The following IL12RB2 variants were observed in gnomAD, a reference collection of about 807,000 sequenced individuals.
IL12RB2 encodes interleukin-12 receptor subunit beta-2.
IL12RB2 carries 82 observed loss-of-function variants against 89.4 expected under a neutral mutation model. That is an observed-to-expected ratio of 0.92 (90% CI 0.77 to 1.10). IL12RB2 has a LOEUF of 1.10. IL12RB2 is among the 50% of genes least tolerant of loss of function. The probability of loss-of-function intolerance (pLI) is 0.00; values close to 1 mark genes in which losing one functional copy is unlikely to be tolerated. For synonymous variants in IL12RB2, 368 were observed against 370.1 expected (o/e 0.99, Z 0.07); for missense variants, 963 against 1,031.9 (o/e 0.93, Z 0.92).
chr1:67,363,351 G>A (rs1662336824), intron 10 of IL12RB2, among the ~76,000 whole-genome samples: 1 of 151,454 alleles, frequency 6.6e-6, no homozygotes, highest in Non-Finnish European at 1.5e-5. Flanking sequence ...CTAGTAGCTG[G>A]GATTACAGGC....
At chr1:67,360,051 C>T (rs1232637653) in intron 10 of IL12RB2, among the ~76,000 whole-genome samples, 1 of 152,106 alleles carries the variant, frequency 6.6e-6, no homozygotes, top group African/African-American at 2.4e-5. Context: ...GAGTTAAAAT[C>T]TCCACTGGGG....
intron 10 of IL12RB2, among the ~76,000 whole-genome samples, chr1:67,359,452 T>C (rs1661737981): frequency 6.6e-6 from 1 of 152,206 alleles, no homozygotes; most frequent in African/African-American, 2.4e-5. Flanking sequence ...CTGGGCACAG[T>C]GGCTTACACC....
At chr1:67,344,315 TAG>T (rs920924265) in intron 9 of IL12RB2, among the ~76,000 whole-genome samples, 2 of 152,218 alleles carry the variant, frequency 1.3e-5, no homozygotes, top group Non-Finnish European at 2.9e-5. Flanking sequence ...TTTTTTGAGA[TAG>T]AGTCTCCCTC....
chr1:67,321,134 C>T (rs1156717779), intron 3 of IL12RB2, among the ~76,000 whole-genome samples: 1 of 151,934 alleles, frequency 6.6e-6, no homozygotes, highest in African/African-American at 2.4e-5. Context: ...ACAATGTTTG[C>T]AATACTTTTT....
At chr1:67,381,720 G>A (rs1557470008) in intron 14 of IL12RB2, among the ~76,000 whole-genome samples, 2 of 150,814 alleles carry the variant, frequency 1.3e-5, no homozygotes, top group East Asian at 1.9e-4. Flanking sequence ...GAGCCGAGAT[G>A]GCACCACTGC....
At position 67,396,355 on chromosome 1, in the gene IL12RB2, C is replaced by T; in HGVS notation, c.*266C>T. The T allele has an allele frequency of 1.8e-6, 1 of 556,060 alleles. No homozygotes were observed. Among genetic ancestry groups the T allele is most frequent in the East Asian group, 3.1e-5 (1 of 32,170 alleles). 34.4% of individuals were successfully genotyped at this position (556,060 alleles called of 1,614,324 possible). Reference sequence around the variant, plus strand: ...AGACTCCAACTTGAATTCCTAGTAACTTTCTTGGTATGCTGGCCAGAAAGG... The same window carrying T: ...AGACTCCAACTTGAATTCCTAGTAATTTTCTTGGTATGCTGGCCAGAAAGG... On this transcript the variant is annotated 3_prime_UTR_variant, in exon 17 of 17. Transcript: ENST00000674203.
At chr1:67,386,891 T>TAC (rs1665240931) in intron 15 of IL12RB2, among the ~76,000 whole-genome samples, 1 of 36,344 alleles carries the variant, frequency 2.8e-5, no homozygotes, top group Admixed American at 2.8e-4. Flanking sequence ...TATATATATA[T>TAC]ATATATATAT....
chr1:67,333,548 T>C (rs552262263), intron 8 of IL12RB2, among the ~76,000 whole-genome samples: 55 of 152,328 alleles, frequency 3.6e-4, no homozygotes, highest in African/African-American at 1.3e-3. Context: ...GGTTAGGGCT[T>C]CCTTTACTCC....
intron 11 of IL12RB2, among the ~76,000 whole-genome samples, chr1:67,368,861 C>T (rs1043758800): frequency 6.6e-6 from 1 of 152,112 alleles, no homozygotes; most frequent in Admixed American, 6.6e-5. Flanking sequence ...TGAATTACTT[C>T]GTGGAAAATG....
At chr1:67,323,813 A>C (rs897522210) in intron 4 of IL12RB2, among the ~76,000 whole-genome samples, 20 of 152,182 alleles carry the variant, frequency 1.3e-4, no homozygotes, top group African/African-American at 4.6e-4. Context: ...AACAGAAGGA[A>C]CTTAGGAGAC....
chr1:67,310,256 G>A (rs1037778397), intron 1 of IL12RB2, among the ~76,000 whole-genome samples: 2 of 149,336 alleles, frequency 1.3e-5, no homozygotes, highest in Admixed American at 1.3e-4. Flanking sequence ...GCCCTTGGAA[G>A]TTTCTAGTGT....
chr1:67,313,553 G>A (rs915725784), intron 1 of IL12RB2, among the ~76,000 whole-genome samples: 5 of 152,136 alleles, frequency 3.3e-5, no homozygotes, highest in African/African-American at 9.7e-5. Flanking sequence ...GGCCGGGCAC[G>A]GTGGCTCATG....
At chr1:67,362,654 T>C (rs56126556) in intron 10 of IL12RB2, among the ~76,000 whole-genome samples, 19,413 of 147,562 alleles carry the variant, frequency 0.13, 1,798 homozygotes, top group African/African-American at 0.25. Flanking sequence ...ATTTAAAGTA[T>C]TGAGAGAAAA....
intron 10 of IL12RB2, among the ~76,000 whole-genome samples, chr1:67,359,730 AAC>A (rs1021188157): frequency 6.6e-6 from 1 of 152,064 alleles, no homozygotes; most frequent in African/African-American, 2.4e-5. Flanking sequence ...AAAACAAAAA[AAC>A]ACACAGTGGT....
chr1:67,386,663 A>G lies in IL12RB2; in HGVS notation c.1940A>G (p.Gln647Arg). 1.9e-6 allele frequency: 3 copies of G among 1,602,368 alleles called. No individual in the cohort carries two copies. Among genetic ancestry groups the G allele is most frequent in the Non-Finnish European group, 2.6e-6 (3 of 1,169,318 alleles). ...GGCATTTTCTCAACGCATTACTTCCAGCAAAAGTGAGTTGGTTACACCTAC... is the reference window on the plus strand; with the variant it reads ...GGCATTTTCTCAACGCATTACTTCCGGCAAAAGTGAGTTGGTTACACCTAC... ...MVGIFSTHYF[Q>R]QKVFVLLAAL... The change falls in exon 15 of 17, where the codon CAG becomes CGG. Residue 647 changes from glutamine (Q) to arginine (R), a missense_variant. Transcript: ENST00000674203.
At position 67,361,163 on chromosome 1, in the gene IL12RB2, C is replaced by G. The variant is rs767589942; in HGVS notation, c.1259-6662C>G. On this transcript the variant is annotated intron_variant, in intron 10 of 16. Coordinates refer to ENST00000674203, the MANE Select transcript of IL12RB2 (RefSeq NM_001374259.2). ...TAGAATGCTTTCTTTCCCCCGACAC[C>G]TTTCTACCACATTACTAAAAGCCCA... is the stretch of plus-strand genomic sequence containing the variant. Among the ~76,000 whole-genome samples the G allele has an allele frequency of 7.9e-5, 12 of 152,162 alleles. No individual in the cohort carries two copies. In the South Asian group the frequency reaches 8.3e-4, roughly 10 times the overall value.
chr1:67,316,692 C>T (rs1037761916), intron 2 of IL12RB2, among the ~76,000 whole-genome samples: 1 of 152,142 alleles, frequency 6.6e-6, no homozygotes, highest in Non-Finnish European at 1.5e-5. Flanking sequence ...TCTCCCTTGG[C>T]AAGCTCGTTC....
intron 11 of IL12RB2, among the ~76,000 whole-genome samples, chr1:67,370,690 C>T (rs1663210952): frequency 6.6e-6 from 1 of 152,068 alleles, no homozygotes; most frequent in South Asian, 2.1e-4. Context: ...GGAGTATGGG[C>T]TTCATACACT....
chr1:67,372,743 C>T lies in IL12RB2; in HGVS notation c.1677C>T (p.Tyr559=). 6.2e-7 allele frequency: 1 copy of T among 1,601,700 alleles called. No individual in the cohort carries two copies. Among genetic ancestry groups the T allele is most frequent in the Non-Finnish European group, 8.6e-7 (1 of 1,168,698 alleles). ...GCTGCCTCCTCCATTATAGGATATA[C>T]TGGAAGGAACGGGACTCCAACTCCC... The part of the protein sequence containing the change: ...QMGCLLHYRI[Y]WKERDSNSQP... The change falls in exon 13 of 17, where the codon TAC becomes TAT. Residue 559 remains tyrosine, a synonymous_variant. Coordinates refer to ENST00000674203, the MANE Select transcript of IL12RB2 (RefSeq NM_001374259.2).
Sources: allele counts gnomAD v4.1 joint callset (sites outside exome capture counted in the v4.1 genomes callset), GRCh38; gene constraint gnomAD v4.1.1; transcripts MANE v1.5; gene names NCBI Gene and HGNC (gene_info 2026-07-23, HGNC 2026-07-21).